PHTF2: variants seen among roughly 807,000 people sequenced by gnomAD.
PHTF2 encodes putative homeodomain transcription factor 2.
A neutral mutation model predicts 101.2 loss-of-function variants in PHTF2; 60 were observed. That is an observed-to-expected ratio of 0.59 (90% CI 0.48 to 0.73). The LOEUF (loss-of-function observed/expected upper bound fraction) is 0.73. Ranked by LOEUF, PHTF2 falls within the 30% of genes least tolerant of loss-of-function variation. The probability of loss-of-function intolerance (pLI) is 0.00; values close to 1 mark genes in which losing one functional copy is unlikely to be tolerated. For missense variants in PHTF2, 747 were observed against 908.7 expected (o/e 0.82, Z 2.29); for synonymous variants, 311 against 307.3 (o/e 1.01, Z -0.13).
intron 1 of PHTF2, among the ~76,000 whole-genome samples, chr7:77,804,928 A>G (rs1265452036): frequency 6.6e-6 from 1 of 152,252 alleles, no homozygotes; most frequent in Non-Finnish European, 1.5e-5. Flanking sequence ...ATACCAACAT[A>G]CTGATATCAA....
intron 10 of PHTF2, among the ~76,000 whole-genome samples, chr7:77,922,017 C>CTTTTTT (rs35763664): frequency 5.2e-5 from 5 of 95,266 alleles, no homozygotes; most frequent in East Asian, 3.2e-4. Context: ...GTTTATATTC[C>CTTTTTT]TTTTTTTTTT....
chr7:77,910,521 G>T, intron 9 of PHTF2, 112 bp downstream of exon 8: 1 of 737,436 alleles, frequency 1.4e-6, no homozygotes, highest in Non-Finnish European at 2.2e-6. Context: ...GCCTCATTAT[G>T]GATTTTGTTT....
chr7:77,820,842 C>T (rs879739859), intron 1 of PHTF2, among the ~76,000 whole-genome samples: 1 of 151,826 alleles, frequency 6.6e-6, no homozygotes, highest in Admixed American at 6.6e-5. Flanking sequence ...TCCTTTTTTC[C>T]TCTCTTATTG....
chr7:77,938,291 T>G (rs949096646), intron 13 of PHTF2, among the ~76,000 whole-genome samples: 3 of 152,212 alleles, frequency 2.0e-5, no homozygotes, highest in Non-Finnish European at 1.5e-5. Flanking sequence ...AAATTTGCAT[T>G]CATACTTGCT....
chr7:77,875,551 TA>T (rs1301490066), intron 3 of PHTF2, among the ~76,000 whole-genome samples: 3 of 150,946 alleles, frequency 2.0e-5, no homozygotes, highest in East Asian at 1.9e-4. Context: ...TTTATTTATT[TA>T]TTTATTATTA....
chr7:77,890,313 C>G (rs967410548), intron 3 of PHTF2, among the ~76,000 whole-genome samples: 8 of 152,178 alleles, frequency 5.3e-5, no homozygotes, highest in Non-Finnish European at 1.0e-4. Context: ...GCTGGAGTTG[C>G]ACTGAACCTA....
At chr7:77,839,396 A>G (rs1195073340) in intron 1 of PHTF2, among the ~76,000 whole-genome samples, 1 of 152,208 alleles carries the variant, frequency 6.6e-6, no homozygotes, top group East Asian at 1.9e-4. Flanking sequence ...CCTGTTTTAG[A>G]CAAACACAGA....
chr7:77,925,530 A>G (rs1803905067), intron 11 of PHTF2, among the ~76,000 whole-genome samples: 1 of 95,110 alleles, frequency 1.1e-5, no homozygotes, highest in Admixed American at 1.3e-4. Flanking sequence ...TTTTTTTGAG[A>G]CAGAGTTTCA....
At chr7:77,930,536 A>G (rs77367572) in intron 12 of PHTF2, among the ~76,000 whole-genome samples, 1 of 152,310 alleles carries the variant, frequency 6.6e-6, no homozygotes, top group East Asian at 1.9e-4. Context: ...CAAACCAAGT[A>G]AAGTCAGAAA....
At chr7:77,832,152 G>A (rs1682044103) in intron 1 of PHTF2, among the ~76,000 whole-genome samples, 1 of 151,928 alleles carries the variant, frequency 6.6e-6, no homozygotes, top group Admixed American at 6.6e-5. Context: ...AACTCAGCTT[G>A]TCACTTCAGG....
intron 5 of PHTF2, among the ~76,000 whole-genome samples, chr7:77,896,636 A>C (rs1170999158): frequency 2.0e-5 from 3 of 152,220 alleles, no homozygotes; most frequent in African/African-American, 7.2e-5. Flanking sequence ...CAATTTGTTA[A>C]CAAGCCTAAA....
intron 5 of PHTF2, among the ~76,000 whole-genome samples, chr7:77,898,013 T>C (rs118118427): frequency 0.012 from 1,829 of 151,738 alleles, 14 homozygotes; most frequent in Middle Eastern, 0.031. Context: ...TTTTAAACCT[T>C]TAAATTATCT....
chr7:77,855,707 C>T (rs1210182128), intron 3 of PHTF2, among the ~76,000 whole-genome samples: 1 of 152,182 alleles, frequency 6.6e-6, no homozygotes, highest in African/African-American at 2.4e-5. Context: ...AATGCTCCCT[C>T]CAGGGGCACC....
chr7:77,893,065 A>T (rs957356634), intron 3 of PHTF2, among the ~76,000 whole-genome samples: 4 of 152,270 alleles, frequency 2.6e-5, no homozygotes, highest in Middle Eastern at 3.4e-3. Context: ...GTGGTTTTCA[A>T]CATCAGAATC....
chr7:77,866,889 A>G (rs1798112038), intron 3 of PHTF2, among the ~76,000 whole-genome samples: 2 of 152,194 alleles, frequency 1.3e-5, no homozygotes, highest in African/African-American at 4.8e-5. Flanking sequence ...AGAATGATAA[A>G]CCAGAGTATA....
At chr7:77,956,113 A>G (rs1806975783) in exon 20 of PHTF2, 1 of 152,530 alleles carries the variant, frequency 6.6e-6, no homozygotes, top group Non-Finnish European at 1.5e-5. Flanking sequence ...TGTACAATCG[A>G]GTATTTTAGA....
chr7:77,825,455 C>G (rs764542749), intron 1 of PHTF2, among the ~76,000 whole-genome samples: 1 of 152,080 alleles, frequency 6.6e-6, no homozygotes, highest in Non-Finnish European at 1.5e-5. Flanking sequence ...GCAGAGGCAA[C>G]AAGCACTGGC....
chr7:77,840,183 G>A (rs1795760981), intron 1 of PHTF2, 38 bp from the exon 2 acceptor site: 2 of 1,096,368 alleles, frequency 1.8e-6, no homozygotes, highest in African/African-American at 1.5e-5. Flanking sequence ...TGGAAGGTGG[G>A]AAATAAAGTC....
chr7:77,835,498 T>A (rs959989418), intron 1 of PHTF2, among the ~76,000 whole-genome samples: 1 of 152,168 alleles, frequency 6.6e-6, no homozygotes, highest in African/African-American at 2.4e-5. Context: ...CATGGTAACA[T>A]TTATGTAGTA....
Sources: allele counts gnomAD v4.1 joint callset (sites outside exome capture counted in the v4.1 genomes callset), GRCh38; gene constraint gnomAD v4.1.1; transcripts MANE v1.5; gene names NCBI Gene and HGNC (gene_info 2026-07-23, HGNC 2026-07-21).